The following MED10 variants were observed in gnomAD, a reference collection of about 807,000 sequenced individuals.
The protein encoded by MED10 is mediator complex subunit 10.
Under a neutral mutation model 17.2 loss-of-function variants are expected in MED10, and 9 were observed. That is an observed-to-expected ratio of 0.52 (90% CI 0.31 to 0.91). The LOEUF (loss-of-function observed/expected upper bound fraction) is 0.91, where lower values mean the gene tolerates loss of function less well. MED10 is among the 40% of genes least tolerant of loss of function. MED10 has a pLI of 0.04. For synonymous variants in MED10, 66 were observed against 59.8 expected (o/e 1.10, Z -0.48); for missense variants, 129 against 164.8 (o/e 0.78, Z 1.19).
At position 6,372,468 on chromosome 5, in the gene MED10, T is replaced by A; in HGVS notation, c.*35A>T. On this transcript the variant is annotated 3_prime_UTR_variant, in exon 4 of 4. Coordinates refer to ENST00000255764, the MANE Select transcript of MED10 (RefSeq NM_032286.3). Reference sequence around the variant, plus strand: ...GTCCCAGCCTCACGCCGCATCGCAGTCCCAGGGGATCTTCACACAGGGAGG... The same window carrying A: ...GTCCCAGCCTCACGCCGCATCGCAGACCCAGGGGATCTTCACACAGGGAGG... 1.9e-6 allele frequency: 3 copies of A among 1,584,606 alleles called. No individual in the cohort carries two copies. Among genetic ancestry groups the A allele is most frequent in the South Asian group, 1.1e-5 (1 of 90,450 alleles).
At chr5:6,376,033 G>A (rs1208811470) in intron 2 of MED10, among the ~76,000 whole-genome samples, 1 of 152,218 alleles carries the variant, frequency 6.6e-6, no homozygotes, top group Non-Finnish European at 1.5e-5. Flanking sequence ...AGGATGCTCT[G>A]TATTCCTGGA....
chr5:6,374,594 A>G (rs1579253507), intron 2 of MED10, 168 bp from the exon 3 acceptor site: 1 of 579,598 alleles, frequency 1.7e-6, no homozygotes, highest in Non-Finnish European at 3.1e-6. Context: ...TCATTTACAC[A>G]AGTACAGATC....
chr5:6,378,290 TC>T, intron 1 of MED10, 71 bp downstream of exon 1: 1 of 1,469,902 alleles, frequency 6.8e-7, no homozygotes, highest in Admixed American at 2.2e-5. Flanking sequence ...GCTCCCTAGA[TC>T]CCCGCTCCCC....
intron 1 of MED10, 52 bp downstream of exon 1, chr5:6,378,310 G>A: frequency 2.0e-6 from 3 of 1,508,576 alleles, no homozygotes; most frequent in South Asian, 1.3e-5. Context: ...CCTAGCACAC[G>A]CTTCCCGGCC....
chr5:6,372,685 C>T lies in MED10; in HGVS notation c.310-84G>A, dbSNP rs1737912636. On this transcript the variant is annotated intron_variant, in intron 3 of 3. Transcript: ENST00000255764. ...AAAATATGCCTTTTGGAAGTTTAAA[C>T]ACATGGCCCACTAAGCAATACAGGG... 8 of 1,093,370 alleles carry T rather than the reference C, an allele frequency of 7.3e-6. No individual in the cohort carries two copies. The South Asian group carries it at 9.3e-5, about 13-fold the overall frequency. 67.7% of individuals were successfully genotyped at this position (1,093,370 alleles called of 1,614,324 possible). A position where few individuals can be genotyped will look rare whatever the true frequency, so the allele number is the denominator to read the frequency against.
Position 6,374,323 on chromosome 5 carries a change from C to A in MED10, c.309+1G>T, listed in dbSNP as rs1485665418. On this transcript the variant is annotated splice_donor_variant, in intron 3 of 3. Transcript: ENST00000255764. LOFTEE classifies it high-confidence loss of function. ...ATTTCTGACACTCCTTAGAGTCTTACCTTCATGGTGTCGATCTTGCCTTTA... is the reference window on the plus strand; with the variant it reads ...ATTTCTGACACTCCTTAGAGTCTTAACTTCATGGTGTCGATCTTGCCTTTA... 6.2e-7 allele frequency: 1 copy of A among 1,605,034 alleles called. No individual in the cohort carries two copies. Among genetic ancestry groups the A allele is most frequent in the African/African-American group, 1.3e-5 (1 of 74,694 alleles).
At position 6,378,448 on chromosome 5, in the gene MED10, CAGGTGCTCCTCT is replaced by C; in HGVS notation, c.24_35del (p.Glu10_Glu13del). Reference sequence around the variant, plus strand: ...GCCGAATGTTCTCCACGAACTTCTCCAGGTGCTCCTCTAGGTGGTCAAACTTCTCCGCCATCG... The same window carrying C: ...GCCGAATGTTCTCCACGAACTTCTCCAGGTGGTCAAACTTCTCCGCCATCG... On this transcript the variant is annotated inframe_deletion, in exon 1 of 4. Transcript: ENST00000255764. 1 of 1,613,752 alleles carries C rather than the reference CAGGTGCTCCTCT, an allele frequency of 6.2e-7. No homozygotes were observed. Among genetic ancestry groups the C allele is most frequent in the Non-Finnish European group, 8.5e-7 (1 of 1,179,904 alleles).
chr5:6,377,216 G>T lies in MED10; in HGVS notation c.156C>A (p.Asp52Glu), dbSNP rs1304585340. The change falls in exon 2 of 4, where the codon GAC (aspartate) becomes GAA (glutamate). Residue 52 changes from aspartate to glutamate, a missense_variant. Coordinates refer to ENST00000255764, the MANE Select transcript of MED10 (RefSeq NM_032286.3). ...NFIVTGLQDI[D>E]KCRQQLHDIT... is the part of the protein sequence containing the mutation. ...TATCATGAAGCTGCTGTCTGCACTT[G>T]TCAATATCCTGTAAGCCAGTAACAA... 2 of 1,610,062 alleles carry T rather than the reference G, an allele frequency of 1.2e-6. No homozygotes were observed. The highest frequency in any genetic ancestry group is 1.7e-6 in the Non-Finnish European group (2 of 1,178,186).
At chr5:6,373,216 T>C (rs1344435195) in intron 3 of MED10, among the ~76,000 whole-genome samples, 1 of 152,026 alleles carries the variant, frequency 6.6e-6, no homozygotes, top group Non-Finnish European at 1.5e-5. Flanking sequence ...TTCTGACAGC[T>C]CCTCCCCTTG....
In MED10 at chr5:6,374,313, T is replaced by C; in HGVS notation, c.309+11A>G. 1 of 1,588,956 alleles carries C rather than the reference T, an allele frequency of 6.3e-7. No homozygotes were observed. Among genetic ancestry groups the C allele is most frequent in the Non-Finnish European group, 8.6e-7 (1 of 1,157,020 alleles). Reference sequence around the variant, plus strand: ...TTCCCACTGTATTTCTGACACTCCTTAGAGTCTTACCTTCATGGTGTCGAT... The same window carrying C: ...TTCCCACTGTATTTCTGACACTCCTCAGAGTCTTACCTTCATGGTGTCGAT... On this transcript the variant is annotated intron_variant, in intron 3 of 3. Coordinates refer to ENST00000255764, the MANE Select transcript of MED10 (RefSeq NM_032286.3).
chr5:6,372,405 A>G lies in MED10; in HGVS notation c.*98T>C. 3.0e-6 allele frequency: 3 copies of G among 988,808 alleles called. No homozygotes were observed. Among genetic ancestry groups the G allele is most frequent in the Non-Finnish European group, 4.8e-6 (3 of 621,134 alleles). The allele number at this position is 988,808 out of a possible 1,614,324, so 61.3% of individuals were successfully genotyped here. A position where few individuals can be genotyped will look rare whatever the true frequency, so the allele number is the denominator to read the frequency against. ...GGGCTGAGGGGTGTGTCCAGGGCCCAGTCCCACCTCAGCAGGAAGGTGGCG... is the reference window on the plus strand; with the variant it reads ...GGGCTGAGGGGTGTGTCCAGGGCCCGGTCCCACCTCAGCAGGAAGGTGGCG... On this transcript the variant is annotated 3_prime_UTR_variant, in exon 4 of 4. Coordinates refer to ENST00000255764, the MANE Select transcript of MED10 (RefSeq NM_032286.3).
At chr5:6,372,798 C>A (rs1163846877) in intron 3 of MED10, among the ~76,000 whole-genome samples, 197 bp from the exon 4 acceptor site, 1 of 152,160 alleles carries the variant, frequency 6.6e-6, no homozygotes, top group Non-Finnish European at 1.5e-5. Context: ...CACTGCACAG[C>A]CCCGGACGTC....
At chr5:6,377,034 G>A in intron 2 of MED10, 132 bp downstream of exon 2, 1 of 459,752 alleles carries the variant, frequency 2.2e-6, no homozygotes, top group Non-Finnish European at 3.8e-6. Flanking sequence ...TTTTTCCACT[G>A]GCACATCCCC....
intron 2 of MED10, among the ~76,000 whole-genome samples, chr5:6,376,218 T>C (rs1183669974): frequency 4.6e-5 from 7 of 152,240 alleles, no homozygotes; most frequent in Admixed American, 4.6e-4. Context: ...CCTGTCTTTG[T>C]AGGCAGCTGC....
chr5:6,377,133 A>T, intron 2 of MED10, 33 bp downstream of exon 2: 1 of 1,458,852 alleles, frequency 6.9e-7, no homozygotes, highest in Non-Finnish European at 9.5e-7. Context: ...AACAAGATTT[A>T]TACCCAAGAC....
intron 2 of MED10, chr5:6,376,814 C>T (rs1738001051): frequency 6.2e-6 from 1 of 161,504 alleles, no homozygotes; most frequent in Non-Finnish European, 1.3e-5. Context: ...CTTTTCACCT[C>T]TTAAGGAAAA....
rs1737906543 is a variant in MED10 at position 6,372,438 on chromosome 5, T to C, written c.*65A>G. ...CTCAGCAGGAAGGTGGCGTCAGCAC[T>C]CGCAGTCCCAGCCTCACGCCGCATC... On this transcript the variant is annotated 3_prime_UTR_variant, in exon 4 of 4. Coordinates refer to ENST00000255764, the MANE Select transcript of MED10 (RefSeq NM_032286.3). 7.2e-7 allele frequency: 1 copy of C among 1,379,666 alleles called. No individual in the cohort carries two copies. Among genetic ancestry groups the C allele is most frequent in the Non-Finnish European group, 1.0e-6 (1 of 967,998 alleles). 85.5% of individuals were successfully genotyped at this position (1,379,666 alleles called of 1,614,324 possible). A position where few individuals can be genotyped will look rare whatever the true frequency, so the allele number is the denominator to read the frequency against.
chr5:6,377,019 A>AT (rs902388266), intron 2 of MED10, 147 bp downstream of exon 2: 519 of 429,408 alleles, frequency 1.2e-3, no homozygotes, highest in Middle Eastern at 2.1e-3. Flanking sequence ...ATTTTTGTCT[A>AT]TTTTTTTTTC....
intron 3 of MED10, among the ~76,000 whole-genome samples, chr5:6,373,113 C>T (rs934444173): frequency 6.6e-6 from 1 of 152,134 alleles, no homozygotes; most frequent in African/African-American, 2.4e-5. Context: ...TGACAAAACA[C>T]CACTTCTGAG....
Sources: allele counts gnomAD v4.1 joint callset (sites outside exome capture counted in the v4.1 genomes callset), GRCh38; gene constraint gnomAD v4.1.1; transcripts MANE v1.5; gene names NCBI Gene and HGNC (gene_info 2026-07-23, HGNC 2026-07-21).